Variants in MYH1 observed in about 807,000 individuals in gnomAD.
MYH1 encodes the protein myosin-1.
Under a neutral mutation model 225.6 loss-of-function variants are expected in MYH1, and 214 were observed. The ratio of observed to expected loss-of-function variants is 0.95; its 90% CI spans 0.85 to 1.06. The LOEUF (loss-of-function observed/expected upper bound fraction) is 1.06, where lower values mean the gene tolerates loss of function less well. Among genes scored for constraint, MYH1 ranks in the 50% least tolerant of loss-of-function variants. The pLI is 0.00. For synonymous variants in MYH1, 774 were observed against 842.3 expected (o/e 0.92, Z 1.40); for missense variants, 2,098 against 2,344.2 (o/e 0.89, Z 2.17).
Position 10,492,358 on chromosome 17 carries a change from T to C in MYH1, c.*58A>G. 3.2e-6 allele frequency: 5 copies of C among 1,586,342 alleles called. No individual in the cohort carries two copies. The highest frequency in any genetic ancestry group is 4.3e-6 in the Non-Finnish European group (5 of 1,166,506). On this transcript the variant is annotated 3_prime_UTR_variant, in exon 40 of 40. Coordinates refer to ENST00000226207, the MANE Select transcript of MYH1 (RefSeq NM_005963.4). ...CAAAAGTCATAAGTACAAAATGGAG[T>C]GACAAAGATTTTCACATTTTGTGCA...
chr17:10,512,833 G>A (rs199771016), intron 10 of MYH1, 34 bp downstream of exon 10: 1 of 1,599,112 alleles, frequency 6.3e-7, no homozygotes, highest in African/African-American at 1.3e-5. Flanking sequence ...AGATAGTACA[G>A]TGACAATCTT....
chr17:10,509,164 G>A (rs1223202539), intron 15 of MYH1, among the ~76,000 whole-genome samples: 2 of 152,048 alleles, frequency 1.3e-5, no homozygotes, highest in Admixed American at 6.6e-5. Flanking sequence ...TTCATACTTT[G>A]AATGCAGTAA....
Position 10,512,712 on chromosome 17 carries a change from A to G in MYH1, c.977T>C (p.Ile326Thr), listed in dbSNP as rs752891317. The G allele has an allele frequency of 2.7e-5, 44 of 1,613,784 alleles. No homozygotes were observed. Among genetic ancestry groups the G allele is most frequent in the African/African-American group, 1.2e-4 (9 of 74,922 alleles). The change falls in exon 11 of 40, where the codon ATT (isoleucine) becomes ACT (threonine). Residue 326 changes from isoleucine to threonine, a missense_variant. Ile to Thr is a moderately conservative substitution (Grantham distance 89). Transcript: ENST00000226207. ...VSQGEITVPS[I>T]DDQEELMATD... ...AGCCATCAACTCTTCTTGGTCATCA[A>G]TGCTGGGCACTGTGATCTCCCCTTG...
chr17:10,504,848 T>C lies in MYH1; in HGVS notation c.2653A>G (p.Met885Val). ...AGTTGCAAGTCATTTTTTTCTTGCA[T>C]CAGAGTAACCATTTTTTCTTCCAGC... is the stretch of plus-strand genomic sequence containing the variant. ...KELEEKMVTL[M>V]QEKNDLQLQV... The change falls in exon 22 of 40, where the codon ATG becomes GTG. Residue 885 changes from methionine (M) to valine (V), a missense_variant. Physicochemically the swap from Met to Val is conservative, Grantham distance 21 (BLOSUM62 1). Transcript: ENST00000226207. 1 of 1,614,162 alleles carries C rather than the reference T, an allele frequency of 6.2e-7. No homozygotes were observed. The highest frequency in any genetic ancestry group is 8.5e-7 in the Non-Finnish European group (1 of 1,180,036).
Position 10,496,071 on chromosome 17 carries a change from T to G in MYH1, c.5048A>C (p.Asn1683Thr). 6.2e-7 allele frequency: 1 copy of G among 1,614,146 alleles called. No homozygotes were observed. The highest frequency in any genetic ancestry group is 8.5e-7 in the Non-Finnish European group (1 of 1,180,026). The change falls in exon 35 of 40, where the codon AAC becomes ACC. Residue 1683 changes from asparagine (N) to threonine (T), a missense_variant. By Grantham distance (65) the Asn-to-Thr change is moderately conservative. Transcript: ENST00000226207. ...EQLAMVERRANLLQAEIEELR... is the reference protein window; with the variant it reads ...EQLAMVERRATLLQAEIEELR... ...CTCCTCGATCTCAGCCTGCAGCAGGTTGGCTCTGCGCTCCACCATAGCCAG... is the reference window on the plus strand; with the variant it reads ...CTCCTCGATCTCAGCCTGCAGCAGGGTGGCTCTGCGCTCCACCATAGCCAG...
At chr17:10,505,630 C>T in intron 19 of MYH1, 119 bp from the exon 20 acceptor site, 1 of 1,378,336 alleles carries the variant, frequency 7.3e-7, no homozygotes. Context: ...ATCATATCTA[C>T]CCCTTTATCT....
intron 39 of MYH1, 151 bp from the exon 40 acceptor site, chr17:10,492,719 T>TA (rs2072947571): frequency 2.2e-6 from 2 of 918,840 alleles, no homozygotes; most frequent in South Asian, 4.6e-5. Flanking sequence ...TTTTTATTTT[T>TA]TTTTATTTTT....
intron 22 of MYH1, among the ~76,000 whole-genome samples, chr17:10,504,198 C>A (rs1441553460): frequency 6.6e-6 from 1 of 152,154 alleles, no homozygotes; most frequent in East Asian, 1.9e-4. Context: ...TCAAATATTT[C>A]TCTCCAAGCC....
At chr17:10,517,495 TC>T (rs2073240579) in intron 2 of MYH1, among the ~76,000 whole-genome samples, 1 of 152,158 alleles carries the variant, frequency 6.6e-6, no homozygotes, top group South Asian at 2.1e-4. Flanking sequence ...CTTTTCAGGA[TC>T]CCCCTCTTGC....
Position 10,492,627 on chromosome 17 carries a change from C to T in MYH1, c.5668-59G>A, listed in dbSNP as rs554370755. On this transcript the variant is annotated intron_variant, in intron 39 of 39. Transcript: ENST00000226207. The stretch of plus-strand genomic sequence containing the variant: ...GTTCAGAATTTTTCCATTCTTAGGT[C>T]AGTGGATCTTGAATTTCCTTTTTAC... The T allele has an allele frequency of 2.6e-4, 386 of 1,510,786 alleles. 2 individuals carry two copies. The African/African-American group carries it at 4.7e-3, about 18-fold the overall frequency. The allele number at this position is 1,510,786 out of a possible 1,614,324, so 93.6% of individuals were successfully genotyped here.
intron 2 of MYH1, among the ~76,000 whole-genome samples, chr17:10,517,531 C>T (rs2073240823): frequency 1.3e-5 from 2 of 152,296 alleles, no homozygotes; most frequent in South Asian, 4.1e-4. Flanking sequence ...TTCATTAATG[C>T]TGTCAATAAT....
Position 10,507,919 on chromosome 17 carries a change from AC to A in MYH1, c.1934del (p.Gly645ValfsTer15), listed in dbSNP as rs1258579946. 1 of 1,613,592 alleles carries A rather than the reference AC, an allele frequency of 6.2e-7. No homozygotes were observed. The highest frequency in any genetic ancestry group is 8.5e-7 in the Non-Finnish European group (1 of 1,179,880). On this transcript the variant is annotated frameshift_variant, in exon 17 of 40. Coordinates refer to ENST00000226207, the MANE Select transcript of MYH1 (RefSeq NM_005963.4). LOFTEE classifies it high-confidence loss of function. The stretch of plus-strand genomic sequence containing the variant: ...GAGCAGACACAGTCTGGAAAGAAGA[AC>A]CCTTCTTCTTACCACCTTTCTTTCC... ...GGGKKGGKKK[G>X]SSFQTVSALF...
In MYH1 at chr17:10,505,270, G is replaced by A. The variant is rs150497710; in HGVS notation, c.2328C>T (p.Leu776=). ...GCTTCTCATCTCGCATCTCCTCTAG[G>A]AGCCCCAGAAGACCAGCTTTGAAAA... is the stretch of plus-strand genomic sequence containing the variant. ...KVFFKAGLLG[L]LEEMRDEKLA... Residue 776 remains leucine (L), a synonymous_variant, in exon 21 of 40, where the codon CTC becomes CTT. Coordinates refer to ENST00000226207, the MANE Select transcript of MYH1 (RefSeq NM_005963.4). 1 of 1,614,152 alleles carries A rather than the reference G, an allele frequency of 6.2e-7. No homozygotes were observed. Among genetic ancestry groups the A allele is most frequent in the South Asian group, 1.1e-5 (1 of 91,082 alleles).
At position 10,506,044 on chromosome 17, in the gene MYH1, C is replaced by T. The variant is rs748630503; in HGVS notation, c.2024G>A (p.Arg675Gln). The T allele has an allele frequency of 2.4e-5, 38 of 1,614,112 alleles. No individual in the cohort carries two copies. Among genetic ancestry groups the T allele is most frequent in the South Asian group, 6.6e-5 (6 of 91,080 alleles). Residue 675 changes from arginine (R) to glutamine (Q), a missense_variant, in exon 18 of 40, where the codon CGG (arginine) becomes CAG (glutamine). Physicochemically the swap from Arg to Gln is conservative, Grantham distance 43. Coordinates refer to ENST00000226207, the MANE Select transcript of MYH1 (RefSeq NM_005963.4). ...NLRSTHPHFV[R>Q]CIIPNETKTP... ...TTTAGTTTCATTGGGGATGATGCACCGCACAAAGTGGGGGTGAGTGCTCCT... is the reference window on the plus strand; with the variant it reads ...TTTAGTTTCATTGGGGATGATGCACTGCACAAAGTGGGGGTGAGTGCTCCT...
Position 10,511,876 on chromosome 17 carries a change from A to G in MYH1, c.1379T>C (p.Ile460Thr), listed in dbSNP as rs201061123. 465 of 1,614,098 alleles carry G rather than the reference A, an allele frequency of 2.9e-4. 1 individual carries two copies. The highest frequency in any genetic ancestry group is 5.8e-4 in the Admixed American group (35 of 60,014). The stretch of plus-strand genomic sequence containing the variant: ...AAAGCCAGCAATGTCCAAGACCCCA[A>G]TGAAGTACTGCCTGGGCTGCTTGGT... ...LDTKQPRQYF[I>T]GVLDIAGFEI... Residue 460 changes from isoleucine to threonine, a missense_variant, in exon 14 of 40, where the codon ATT becomes ACT. Transcript: ENST00000226207.
Position 10,503,056 on chromosome 17 carries a change from C to T in MYH1, c.2884G>A (p.Glu962Lys). The T allele has an allele frequency of 6.2e-7, 1 of 1,613,466 alleles. No individual in the cohort carries two copies. The highest frequency in any genetic ancestry group is 8.5e-7 in the Non-Finnish European group (1 of 1,179,540). The change falls in exon 23 of 40, where the codon GAG becomes AAG. Residue 962 changes from glutamate to lysine, a missense_variant. Transcript: ENST00000226207. ...SELKKDIDDLELTLAKVEKEK... is the reference protein window; with the variant it reads ...SELKKDIDDLKLTLAKVEKEK... ...TTCTCAACCTTGGCCAGTGTCAGCTCAAGGTCATCAATGTCTTTCTTGAGT... is the reference window on the plus strand; with the variant it reads ...TTCTCAACCTTGGCCAGTGTCAGCTTAAGGTCATCAATGTCTTTCTTGAGT...
At chr17:10,497,597 C>A in intron 31 of MYH1, 137 bp downstream of exon 31, 1 of 1,487,276 alleles carries the variant, frequency 6.7e-7, no homozygotes, top group Non-Finnish European at 9.1e-7. Flanking sequence ...AGGAGCACTT[C>A]CCCTCTCCAC....
At position 10,492,415 on chromosome 17, in the gene MYH1, A is replaced by G; in HGVS notation, c.*1T>C. 1 of 1,613,428 alleles carries G rather than the reference A, an allele frequency of 6.2e-7. No individual in the cohort carries two copies. Among genetic ancestry groups the G allele is most frequent in the South Asian group, 1.1e-5 (1 of 90,872 alleles). ...TGGTCACCTTTCAGCAGTTAGATAAATTACTCTTCACTTATGATTTTTGTG... is the reference window on the plus strand; with the variant it reads ...TGGTCACCTTTCAGCAGTTAGATAAGTTACTCTTCACTTATGATTTTTGTG... On this transcript the variant is annotated 3_prime_UTR_variant, in exon 40 of 40. Transcript: ENST00000226207.
chr17:10,509,112 CTG>C (rs1300176007), intron 15 of MYH1, among the ~76,000 whole-genome samples: 9 of 152,228 alleles, frequency 5.9e-5, no homozygotes, highest in African/African-American at 1.9e-4. Context: ...CTTTCGCACA[CTG>C]GATTTTAAAA....
Sources: gnomAD v4.1 joint callset for allele counts (sites outside exome capture counted in the v4.1 genomes callset) on GRCh38, gnomAD v4.1.1 for gene constraint, MANE v1.5 for transcripts, NCBI Gene and HGNC (gene_info 2026-07-23, HGNC 2026-07-21) for gene names.